TIPARP: variants seen among roughly 807,000 people sequenced by gnomAD.
The protein encoded by TIPARP is protein mono-ADP-ribosyltransferase TIPARP.
A neutral mutation model predicts 56.5 loss-of-function variants in TIPARP; 12 were observed. The ratio of observed to expected loss-of-function variants is 0.21; its 90% CI spans 0.14 to 0.34. The LOEUF is 0.34. TIPARP is among the 10% of genes least tolerant of loss of function. The pLI, the probability that TIPARP is intolerant of heterozygous loss-of-function variation, is 1.00. For synonymous variants in TIPARP, 296 were observed against 265.7 expected, an observed-to-expected ratio of 1.11 and a Z score of -1.11; for missense variants, 604 against 781.6, an observed-to-expected ratio of 0.77 and a Z score of 2.71.
chr3:156,682,741 C>A (rs1722338432), intron 2 of TIPARP, among the ~76,000 whole-genome samples: 1 of 152,156 alleles, frequency 6.6e-6, no homozygotes, highest in Non-Finnish European at 1.5e-5. Flanking sequence ...CTGAAACTTA[C>A]TATGCCTTGT....
In TIPARP at chr3:156,703,478, A is replaced by T; in HGVS notation, c.1302A>T (p.Ser434=). The T allele has an allele frequency of 1.9e-6, 3 of 1,614,222 alleles. No individual in the cohort carries two copies. Among genetic ancestry groups the T allele is most frequent in the Non-Finnish European group, 2.5e-6 (3 of 1,180,042 alleles). ...CTCCACCTCTTGAAGCAACTTCATC[A>T]TCACAAATTATCTGCCCAGATGGGG... ...QAPPPLEATS[S]SQIICPDGVT... The change falls in exon 5 of 6, where the codon TCA becomes TCT. Residue 434 remains serine, a synonymous_variant. Transcript: ENST00000295924.
At chr3:156,691,493 A>G (rs1722573158) in intron 2 of TIPARP, among the ~76,000 whole-genome samples, 1 of 152,134 alleles carries the variant, frequency 6.6e-6, no homozygotes, top group African/African-American at 2.4e-5. Context: ...CATCTGTTTA[A>G]TTCTTCGTGT....
Position 156,703,613 on chromosome 3 carries a change from T to C in TIPARP, c.1437T>C (p.Asn479=). 2 of 1,614,240 alleles carry C rather than the reference T, an allele frequency of 1.2e-6. No individual in the cohort carries two copies. Among genetic ancestry groups the C allele is most frequent in the Non-Finnish European group, 1.7e-6 (2 of 1,180,042 alleles). The stretch of plus-strand genomic sequence containing the variant: ...ATAAAAGTTATCGGATCATTTACAA[T>C]CTTTTTCATAAGACTGTGCCTGAGT... ...AEDKSYRIIY[N]LFHKTVPEFK... Residue 479 remains asparagine, a synonymous_variant, in exon 5 of 6, where the codon AAT becomes AAC. Coordinates refer to ENST00000295924, the MANE Select transcript of TIPARP (RefSeq NM_015508.5).
At chr3:156,696,774 T>G (rs1342015007) in intron 4 of TIPARP, among the ~76,000 whole-genome samples, 1 of 152,216 alleles carries the variant, frequency 6.6e-6, no homozygotes, top group African/African-American at 2.4e-5. Context: ...TCTACTCCAG[T>G]CAGATATGCT....
At chr3:156,695,210 A>ATTTATTTAT (rs1722681846) in intron 3 of TIPARP, among the ~76,000 whole-genome samples, 1 of 150,602 alleles carries the variant, frequency 6.6e-6, no homozygotes, top group Non-Finnish European at 1.5e-5. Context: ...AATTTTATTT[A>ATTTATTTAT]TTTATTTATT....
chr3:156,700,796 A>G (rs924882665), intron 4 of TIPARP, among the ~76,000 whole-genome samples: 4 of 152,198 alleles, frequency 2.6e-5, no homozygotes, highest in African/African-American at 9.7e-5. Context: ...CATCTTTCAA[A>G]ATGGTAAGGG....
At chr3:156,690,438 T>G (rs1046845741) in intron 2 of TIPARP, among the ~76,000 whole-genome samples, 2 of 152,170 alleles carry the variant, frequency 1.3e-5, no homozygotes, top group African/African-American at 4.8e-5. Flanking sequence ...GCTTAATTGG[T>G]ATGTGCAGAT....
intron 4 of TIPARP, among the ~76,000 whole-genome samples, chr3:156,697,818 T>C (rs1423834165): frequency 6.6e-6 from 1 of 152,100 alleles, no homozygotes; most frequent in East Asian, 1.9e-4. Flanking sequence ...AGTGTTCAAG[T>C]GAAAGGAAGA....
chr3:156,695,464 C>G (rs1722689306), intron 3 of TIPARP, among the ~76,000 whole-genome samples: 1 of 152,058 alleles, frequency 6.6e-6, no homozygotes, highest in African/African-American at 2.4e-5. Flanking sequence ...AACAATCCTC[C>G]TTTCTCTGCC....
chr3:156,698,204 GT>G (rs1722765087), intron 4 of TIPARP, among the ~76,000 whole-genome samples: 2 of 151,962 alleles, frequency 1.3e-5, no homozygotes, highest in African/African-American at 4.8e-5. Flanking sequence ...GGTTCATGAG[GT>G]TTAAGAGCCC....
rs1477195228 is a variant in TIPARP, at chr3:156,696,043, A to C, written c.1247+18A>C. The C allele has an allele frequency of 3.1e-6, 5 of 1,598,128 alleles. No homozygotes were observed. The highest frequency in any genetic ancestry group is 4.3e-6 in the Non-Finnish European group (5 of 1,175,464). On this transcript the variant is annotated intron_variant, in intron 4 of 5. Coordinates refer to ENST00000295924, the MANE Select transcript of TIPARP (RefSeq NM_015508.5). ...TATTTACAGTAAGTGTCGAGTATGA[A>C]GTTGCAATATTTACTCTCATTTTAT...
At position 156,678,069 on chromosome 3, in the gene TIPARP, C is replaced by T. The variant is rs771483172; in HGVS notation, c.372C>T (p.Ala124=). The T allele has an allele frequency of 1.9e-6, 3 of 1,614,046 alleles. No homozygotes were observed. The highest frequency in any genetic ancestry group is 2.5e-6 in the Non-Finnish European group (3 of 1,180,018). Residue 124 remains alanine, a synonymous_variant, in exon 2 of 6, where the codon GCC becomes GCT. Transcript: ENST00000295924. The part of the protein sequence containing the change: ...RTNVGDQIPE[A]HPSTEAPERV... The stretch of plus-strand genomic sequence containing the variant: ...ATGTTGGGGACCAGATACCGGAAGC[C>T]CATCCTTCCACTGAAGCTCCAGAAC...
At chr3:156,679,749 C>T (rs1394668671) in intron 2 of TIPARP, among the ~76,000 whole-genome samples, 1 of 152,082 alleles carries the variant, frequency 6.6e-6, no homozygotes, top group Non-Finnish European at 1.5e-5. Flanking sequence ...AAAACAATTC[C>T]TTGAGTCATC....
chr3:156,678,687 A>G, intron 2 of TIPARP, 73 bp downstream of exon 2: 2 of 1,393,624 alleles, frequency 1.4e-6, no homozygotes, highest in Non-Finnish European at 1.9e-6. Flanking sequence ...AAAGCTTAGT[A>G]GGGTGGTTTC....
In TIPARP at chr3:156,694,071, T is replaced by C. The variant is rs1440655268; in HGVS notation, c.969T>C (p.Thr323=). 1 of 1,613,440 alleles carries C rather than the reference T, an allele frequency of 6.2e-7. No homozygotes were observed. The highest frequency in any genetic ancestry group is 1.1e-5 in the South Asian group (1 of 90,984). ...ATGCCATGAACGTGTATGAAACAAC[T>C]GAATTTGACCAACTACGAAGGCTGT... The part of the protein sequence containing the change: ...DLNAMNVYET[T]EFDQLRRLST... The change falls in exon 3 of 6, where the codon ACT becomes ACC. Residue 323 remains threonine (T), a synonymous_variant. Transcript: ENST00000295924.
chr3:156,691,900 A>C (rs1486337426), intron 2 of TIPARP, among the ~76,000 whole-genome samples: 3 of 152,172 alleles, frequency 2.0e-5, no homozygotes, highest in African/African-American at 7.2e-5. Flanking sequence ...CATAATGCCC[A>C]AAGGACTGAC....
rs1722975271 is a variant in TIPARP at position 156,706,113 on chromosome 3, C to A, written c.*982C>A. On this transcript the variant is annotated 3_prime_UTR_variant, in exon 6 of 6. Transcript: ENST00000295924. The stretch of plus-strand genomic sequence containing the variant: ...GGTAGATGGCAGTCCCACTCCTACA[C>A]CTGCTTTGTCAGATACAGCTGGGTT... The A allele has an allele frequency of 6.6e-6, 1 of 152,634 alleles. No individual in the cohort carries two copies. The highest frequency in any genetic ancestry group is 2.1e-4 in the South Asian group (1 of 4,832). The allele number at this position is 152,634 out of a possible 1,614,324, so 9.5% of individuals were successfully genotyped here. A position where few individuals can be genotyped will look rare whatever the true frequency, so the allele number is the denominator to read the frequency against.
At chr3:156,696,335 C>G (rs1410130430) in intron 4 of TIPARP, among the ~76,000 whole-genome samples, 1 of 151,994 alleles carries the variant, frequency 6.6e-6, no homozygotes, top group Non-Finnish European at 1.5e-5. Flanking sequence ...AGATTTTTTC[C>G]TTCCATGAAA....
At chr3:156,686,602 T>A (rs73013991) in intron 2 of TIPARP, among the ~76,000 whole-genome samples, 7,688 of 152,294 alleles carry the variant, frequency 0.05, 500 homozygotes, top group African/African-American at 0.15. Context: ...ATTGATCAGT[T>A]AGTTCATCTG....
Sources: allele counts gnomAD v4.1 joint callset (sites outside exome capture counted in the v4.1 genomes callset), GRCh38; gene constraint gnomAD v4.1.1; transcripts MANE v1.5; gene names NCBI Gene and HGNC (gene_info 2026-07-23, HGNC 2026-07-21).